F13A1: variants seen among roughly 807,000 people sequenced by gnomAD.
The protein encoded by F13A1 is coagulation factor XIII A chain.
Under a neutral mutation model 80.1 loss-of-function variants are expected in F13A1, and 47 were observed. The observed-to-expected ratio is 0.59, with a 90% CI of 0.46 to 0.75. The LOEUF is 0.75. F13A1 is among the 30% of genes least tolerant of loss of function. F13A1 has a pLI of 0.00. For synonymous variants in F13A1, 349 were observed against 344.9 expected, an observed-to-expected ratio of 1.01 and a Z score of -0.13; for missense variants, 817 against 930.4, an observed-to-expected ratio of 0.88 and a Z score of 1.59.
intron 6 of F13A1, among the ~76,000 whole-genome samples, chr6:6,229,987 G>A (rs1561662059): frequency 6.6e-6 from 1 of 152,218 alleles, no homozygotes; most frequent in Non-Finnish European, 1.5e-5. Context: ...TGGCACCACA[G>A]AGATCCATCA....
At chr6:6,175,252 GA>G (rs1485092203) in intron 11 of F13A1, among the ~76,000 whole-genome samples, 8 of 152,140 alleles carry the variant, frequency 5.3e-5, no homozygotes, top group African/African-American at 1.9e-4. Flanking sequence ...CTAATAATTG[GA>G]AATAATTGCC....
At chr6:6,150,972 C>T (rs996206108) in intron 14 of F13A1, among the ~76,000 whole-genome samples, 1 of 152,080 alleles carries the variant, frequency 6.6e-6, no homozygotes, top group Admixed American at 6.5e-5. Flanking sequence ...ATTTGCAAAC[C>T]ATCAGATGGA....
At chr6:6,226,777 G>A (rs1309334265) in intron 6 of F13A1, among the ~76,000 whole-genome samples, 1 of 152,208 alleles carries the variant, frequency 6.6e-6, no homozygotes, top group African/African-American at 2.4e-5. Flanking sequence ...GTATATTTGA[G>A]TAAGAATAAG....
At chr6:6,258,091 A>G (rs1316090948) in intron 4 of F13A1, among the ~76,000 whole-genome samples, 1 of 152,018 alleles carries the variant, frequency 6.6e-6, no homozygotes, top group Admixed American at 6.6e-5. Context: ...TCGGCTGGCC[A>G]TCTATTGGTT....
At chr6:6,207,421 C>A (rs1485465520) in intron 8 of F13A1, among the ~76,000 whole-genome samples, 1 of 152,150 alleles carries the variant, frequency 6.6e-6, no homozygotes, top group Non-Finnish European at 1.5e-5. Flanking sequence ...AAATGTTTAA[C>A]ATCATAATGC....
intron 2 of F13A1, among the ~76,000 whole-genome samples, chr6:6,307,795 G>A (rs1271486583): frequency 6.6e-6 from 1 of 152,024 alleles, no homozygotes; most frequent in African/African-American, 2.4e-5. Context: ...TTTTCATAGG[G>A]CAAACAGTCC....
At chr6:6,213,332 C>CGGCA (rs1385039399) in intron 8 of F13A1, among the ~76,000 whole-genome samples, 3 of 152,074 alleles carry the variant, frequency 2.0e-5, no homozygotes, top group African/African-American at 7.2e-5. Context: ...GCGGATCTCT[C>CGGCA]GGCAGAAACT....
rs1760250529 is a variant in F13A1, at chr6:6,144,877, C to CT, written c.*741dup. On this transcript the variant is annotated 3_prime_UTR_variant, in exon 15 of 15. Transcript: ENST00000264870. Reference sequence around the variant, plus strand: ...GGGTTAAAGTAAGGGATATTGGCTCCTGCTGATCAGGCCACAGTGTGACAC... The same window carrying CT: ...GGGTTAAAGTAAGGGATATTGGCTCCTTGCTGATCAGGCCACAGTGTGACAC... 6.5e-6 allele frequency: 1 copy of CT among 152,754 alleles called. No homozygotes were observed. Among genetic ancestry groups the CT allele is most frequent in the Non-Finnish European group, 1.5e-5 (1 of 68,160 alleles). 9.5% of individuals were successfully genotyped at this position (152,754 alleles called of 1,614,324 possible). A position where few individuals can be genotyped will look rare whatever the true frequency, so the allele number is the denominator to read the frequency against.
Position 6,243,930 on chromosome 6 carries a change from A to G in F13A1, c.798+4382T>C, listed in dbSNP as rs1392974181. On this transcript the variant is annotated intron_variant, in intron 6 of 14. Transcript: ENST00000264870. The surrounding 1 kb of genome is among the most constrained non-coding windows in gnomAD (Gnocchi z 4.2). ...AGAAGCAGCTGCATCTCCTTGGGGG[A>G]AATTCTCTGCCCATAGTTGCTGCCA... 6.6e-6 allele frequency among the ~76,000 whole-genome samples: 1 copy of G among 152,178 alleles called. No individual in the cohort carries two copies. The highest frequency in any genetic ancestry group is 6.5e-5 in the Admixed American group (1 of 15,286).
chr6:6,195,119 A>G lies in F13A1; in HGVS notation c.1305+678T>C, dbSNP rs949038150. On this transcript the variant is annotated intron_variant, in intron 10 of 14. Coordinates refer to ENST00000264870, the MANE Select transcript of F13A1 (RefSeq NM_000129.4). ...CGTTTACCCAACATCTCTTACATTT[A>G]ATTTGATTTTCAGAGCTCTCCTTGA... Among the ~76,000 whole-genome samples, 77 of 152,128 alleles carry G rather than the reference A, an allele frequency of 5.1e-4. 1 individual carries two copies. The highest frequency in any genetic ancestry group is 1.8e-3 in the African/African-American group (75 of 41,412).
At chr6:6,251,030 C>G (rs1270557296) in intron 4 of F13A1, 101 bp from the exon 5 acceptor site, 2 of 941,276 alleles carry the variant, frequency 2.1e-6, no homozygotes, top group Non-Finnish European at 3.4e-6. Flanking sequence ...TACATTTAAT[C>G]AGCCAAATTT....
In F13A1 at chr6:6,223,690, T is replaced by G. The variant is rs3024406; in HGVS notation, c.973+996A>C. 3.2e-3 allele frequency among the ~76,000 whole-genome samples: 484 copies of G among 152,340 alleles called. 3 individuals are homozygous for G. The highest frequency in any genetic ancestry group is 0.01 in the African/African-American group (426 of 41,578). ...ACAAAACAAAACTCATGACTTTTTT[T>G]TTTTAAATTTAGATCACCAAGTCTT... On this transcript the variant is annotated intron_variant, in intron 7 of 14. Coordinates refer to ENST00000264870, the MANE Select transcript of F13A1 (RefSeq NM_000129.4).
Position 6,302,474 on chromosome 6 carries a change from TATTTATATATAAACATAGAAAC to T in F13A1, c.319+2855_319+2876del, listed in dbSNP as rs1358445218. Among the ~76,000 whole-genome samples, 5 of 152,296 alleles carry T rather than the reference TATTTATATATAAACATAGAAAC, an allele frequency of 3.3e-5. No individual in the cohort carries two copies. The East Asian group carries it at 5.8e-4, about 18-fold the overall frequency. On this transcript the variant is annotated intron_variant, in intron 3 of 14. Transcript: ENST00000264870. ...CAGGCAATTGTAACACAATGGTAAGTATTTATATATAAACATAGAAACATTTATATATAAACATAGAAAAAGT... is the reference window on the plus strand; with the variant it reads ...CAGGCAATTGTAACACAATGGTAAGTATTTATATATAAACATAGAAAAAGT...
At chr6:6,300,768 C>A (rs184295217) in intron 3 of F13A1, among the ~76,000 whole-genome samples, 4 of 151,930 alleles carry the variant, frequency 2.6e-5, no homozygotes, top group African/African-American at 9.7e-5. Flanking sequence ...GCTCCTCCCC[C>A]CGAGATTCTT....
Position 6,250,212 on chromosome 6 carries a change from A to G in F13A1, c.690+599T>C, listed in dbSNP as rs1757611377. On this transcript the variant is annotated intron_variant, in intron 5 of 14. Transcript: ENST00000264870. This position sits in a 1 kb window ranked among gnomAD's most constrained non-coding sequence, Gnocchi z 4.2. The stretch of plus-strand genomic sequence containing the variant: ...ATTTATGGAAAATTGGTAAAATATC[A>G]TTCATTTGCTCCATTGTTAAAGATA... Among the ~76,000 whole-genome samples, 1 of 152,334 alleles carries G rather than the reference A, an allele frequency of 6.6e-6. No homozygotes were observed. The highest frequency in any genetic ancestry group is 6.5e-5 in the Admixed American group (1 of 15,310).
chr6:6,229,424 CAT>C (rs747936456), intron 6 of F13A1, among the ~76,000 whole-genome samples: 17 of 151,960 alleles, frequency 1.1e-4, no homozygotes, highest in Admixed American at 3.3e-4. Context: ...AAATTAATGA[CAT>C]AGAAGAAAAC....
intron 5 of F13A1, 148 bp from the exon 6 acceptor site, chr6:6,248,567 A>G (rs1757587051): frequency 5.8e-6 from 4 of 690,194 alleles, no homozygotes; most frequent in African/African-American, 1.8e-5. Context: ...AGTATGAAAT[A>G]TTAAAGTAGA....
At chr6:6,268,793 A>G (rs61352140) in intron 3 of F13A1, among the ~76,000 whole-genome samples, 1,778 of 151,084 alleles carry the variant, frequency 0.012, 56 homozygotes, top group East Asian at 0.11. Context: ...GGTTCAAGCA[A>G]TTTTCCTGCC....
intron 6 of F13A1, among the ~76,000 whole-genome samples, chr6:6,225,714 G>A (rs775567775): frequency 1.3e-5 from 2 of 151,960 alleles, no homozygotes; most frequent in Non-Finnish European, 2.9e-5. Context: ...TGTTGCCCAG[G>A]CTAGTCTTGA....
Sources: allele counts gnomAD v4.1 joint callset (sites outside exome capture counted in the v4.1 genomes callset), GRCh38; gene constraint gnomAD v4.1.1; non-coding constraint Gnocchi (gnomAD v3.1); transcripts MANE v1.5; gene names NCBI Gene and HGNC (gene_info 2026-07-23, HGNC 2026-07-21).